The following BACH2 variants were observed in gnomAD, a reference collection of about 807,000 sequenced individuals.
BACH2 encodes the protein transcription regulator protein BACH2.
In BACH2, 5 loss-of-function variants were observed where a neutral mutation model predicts 61.8. The ratio of observed to expected loss-of-function variants is 0.08; its 90% CI spans 0.04 to 0.17. The LOEUF is 0.17. Ranked by LOEUF, BACH2 falls within the 10% of genes least tolerant of loss-of-function variation. The pLI is 1.00. For missense variants in BACH2, 824 were observed against 1,091.1 expected, an observed-to-expected ratio of 0.76 and a Z score of 3.45; for synonymous variants, 446 against 440.1, an observed-to-expected ratio of 1.01 and a Z score of -0.17.
At chr6:90,246,691 A>C (rs1770649737) in intron 3 of BACH2, among the ~76,000 whole-genome samples, 1 of 152,220 alleles carries the variant, frequency 6.6e-6, no homozygotes. Flanking sequence ...ATATAAATGA[A>C]TTTATTTTAA....
intron 4 of BACH2, among the ~76,000 whole-genome samples, chr6:90,156,871 G>C (rs976936730): frequency 4.6e-5 from 7 of 152,206 alleles, no homozygotes; most frequent in African/African-American, 1.7e-4. Flanking sequence ...ACATGACCCA[G>C]GCGGCCCTGA....
At chr6:90,019,731 C>G (rs1488432108) in intron 5 of BACH2, among the ~76,000 whole-genome samples, 1 of 152,114 alleles carries the variant, frequency 6.6e-6, no homozygotes, top group Non-Finnish European at 1.5e-5. Flanking sequence ...ATGGGGTGGA[C>G]AACAAATATA....
intron 3 of BACH2, among the ~76,000 whole-genome samples, chr6:90,230,044 C>G (rs1582511453): frequency 1.3e-5 from 2 of 152,262 alleles, no homozygotes; most frequent in African/African-American, 4.8e-5. Context: ...TCTGACTGAT[C>G]CAGAATGGGG....
intron 5 of BACH2, among the ~76,000 whole-genome samples, chr6:90,065,129 A>G (rs1036595449): frequency 5.6e-5 from 8 of 142,078 alleles, no homozygotes; most frequent in South Asian, 2.2e-4. Flanking sequence ...AAACTTGGAG[A>G]AAAAAAAAAA....
At chr6:89,936,354 C>T (rs1469179341) in intron 8 of BACH2, among the ~76,000 whole-genome samples, 1 of 152,270 alleles carries the variant, frequency 6.6e-6, no homozygotes, top group Non-Finnish European at 1.5e-5. Flanking sequence ...ATTGCCCAGG[C>T]TAGTCTCAAA....
At position 89,951,692 on chromosome 6, in the gene BACH2, A is replaced by G; in HGVS notation, c.414T>C (p.Asp138=). The G allele has an allele frequency of 1.9e-6, 3 of 1,614,220 alleles. No homozygotes were observed. Among genetic ancestry groups the G allele is most frequent in the Non-Finnish European group, 2.5e-6 (3 of 1,180,034 alleles). ...FLQTQLLNSE[D]GLFVCRKDAA... ...CATCCTTCCGGCACACAAACAGGCCATCCTCACTGTTCAGGAGCTGGGTCT... is the reference window on the plus strand; with the variant it reads ...CATCCTTCCGGCACACAAACAGGCCGTCCTCACTGTTCAGGAGCTGGGTCT... The change falls in exon 7 of 9, where the codon GAT becomes GAC. Residue 138 remains aspartate, a synonymous_variant. Coordinates refer to ENST00000257749, the MANE Select transcript of BACH2 (RefSeq NM_021813.4). The surrounding 1 kb of genome is among the most constrained non-coding windows in gnomAD (Gnocchi z 6.4).
chr6:90,001,480 T>G (rs1270147520), intron 6 of BACH2: 1 of 152,246 alleles, frequency 6.6e-6, no homozygotes, highest in African/African-American at 2.4e-5. Context: ...GGGTGACAGA[T>G]GTTGCAGCCA....
intron 5 of BACH2, among the ~76,000 whole-genome samples, chr6:90,080,053 G>A (rs776790270): frequency 3.9e-5 from 6 of 151,998 alleles, no homozygotes; most frequent in Non-Finnish European, 7.4e-5. Context: ...CCACCCTGCC[G>A]TGAACCACAT....
intron 5 of BACH2, among the ~76,000 whole-genome samples, chr6:90,043,972 C>T (rs139804330): frequency 1.4e-3 from 208 of 152,258 alleles, no homozygotes; most frequent in African/African-American, 4.9e-3. Context: ...ACAAAGATGG[C>T]TACTCAATAA....
At chr6:90,280,134 T>A (rs1236432407) in intron 1 of BACH2, among the ~76,000 whole-genome samples, 5 of 152,164 alleles carry the variant, frequency 3.3e-5, no homozygotes, top group Non-Finnish European at 7.4e-5. Context: ...AGAAAAAATA[T>A]GCTAAATATA....
chr6:90,266,787 G>A (rs139638320), intron 2 of BACH2, among the ~76,000 whole-genome samples: 5 of 152,208 alleles, frequency 3.3e-5, no homozygotes, highest in East Asian at 1.9e-4. Context: ...TAATGGGGAC[G>A]GAGTTTCCTT....
At chr6:89,964,935 C>A (rs1774966267) in intron 6 of BACH2, among the ~76,000 whole-genome samples, 1 of 152,032 alleles carries the variant, frequency 6.6e-6, no homozygotes, top group African/African-American at 2.4e-5. Context: ...ACCCAGGCTG[C>A]AATGTAGTGG....
intron 6 of BACH2, among the ~76,000 whole-genome samples, chr6:90,006,200 C>T (rs779233920): frequency 6.6e-5 from 10 of 152,112 alleles, no homozygotes. Context: ...AGTTCCAGTC[C>T]AACCTGGGCA....
At chr6:90,198,976 C>A (rs1032213789) in intron 4 of BACH2, among the ~76,000 whole-genome samples, 2 of 152,150 alleles carry the variant, frequency 1.3e-5, no homozygotes, top group Non-Finnish European at 2.9e-5. Flanking sequence ...GGGGAGTTCC[C>A]CTGCACATGC....
intron 6 of BACH2, among the ~76,000 whole-genome samples, chr6:89,974,339 C>G (rs73494925): frequency 2.0e-5 from 3 of 152,074 alleles, no homozygotes; most frequent in Non-Finnish European, 2.9e-5. Flanking sequence ...GAGTTAAACA[C>G]GTAAAGTGCA....
intron 6 of BACH2, among the ~76,000 whole-genome samples, chr6:89,966,890 GGGGTCTC>G (rs1164023367): frequency 6.6e-6 from 1 of 152,184 alleles, no homozygotes; most frequent in Non-Finnish European, 1.5e-5. Flanking sequence ...TGTAGAGTTA[GGGGTCTC>G]ACTCTGTTGC....
At chr6:89,975,388 TTTTC>T (rs766581682) in intron 6 of BACH2, among the ~76,000 whole-genome samples, 6 of 152,240 alleles carry the variant, frequency 3.9e-5, no homozygotes, top group Non-Finnish European at 8.8e-5. Context: ...AATTTCATTT[TTTTC>T]TTTGTCTTTT....
At chr6:90,131,046 GATT>G (rs1784060849) in intron 4 of BACH2, among the ~76,000 whole-genome samples, 1 of 152,190 alleles carries the variant, frequency 6.6e-6, no homozygotes, top group Non-Finnish European at 1.5e-5. Context: ...GAGAGCGGAA[GATT>G]GACTTTCACA....
chr6:90,066,197 T>C (rs1237657366), intron 5 of BACH2, among the ~76,000 whole-genome samples: 3 of 151,808 alleles, frequency 2.0e-5, no homozygotes, highest in African/African-American at 7.3e-5. Flanking sequence ...AGTCCACAGG[T>C]GGAGAGGAGA....
Sources: gnomAD v4.1 joint callset for allele counts (sites outside exome capture counted in the v4.1 genomes callset) on GRCh38, gnomAD v4.1.1 for gene constraint, Gnocchi (gnomAD v3.1) non-coding constraint, MANE v1.5 for transcripts, NCBI Gene and HGNC (gene_info 2026-07-23, HGNC 2026-07-21) for gene names.